Variants in PTK2B observed in about 807,000 individuals in gnomAD.
PTK2B encodes the protein protein-tyrosine kinase 2-beta.
PTK2B carries 71 observed loss-of-function variants against 142.9 expected under a neutral mutation model. That is an observed-to-expected ratio of 0.50 (90% CI 0.41 to 0.61). PTK2B has a LOEUF of 0.61. Among genes scored for constraint, PTK2B ranks in the 20% least tolerant of loss-of-function variants. The pLI, the probability that PTK2B is intolerant of heterozygous loss-of-function variation, is 0.00. For synonymous variants in PTK2B, 519 were observed against 503.4 expected, an observed-to-expected ratio of 1.03 and a Z score of -0.42; for missense variants, 1,105 against 1,320.4, an observed-to-expected ratio of 0.84 and a Z score of 2.53.
upstream of PTK2B, among the ~76,000 whole-genome samples, chr8:27,324,703 A>G (rs966885995): frequency 3.3e-5 from 5 of 152,232 alleles, no homozygotes; most frequent in African/African-American, 4.8e-5. Context: ...GACACAGAAT[A>G]AAGAAGCTTG....
rs576292112 is a variant in PTK2B at position 27,374,548 on chromosome 8, G to A, written c.-37-23000G>A. Reference sequence around the variant, plus strand: ...CATAGCAGGTTTAGGATTGGCTCACGTGAATAATTTCAGCAGGCTCTGGGC... The same window carrying A: ...CATAGCAGGTTTAGGATTGGCTCACATGAATAATTTCAGCAGGCTCTGGGC... On this transcript the variant is annotated intron_variant, in intron 1 of 30. Coordinates refer to ENST00000346049, the MANE Select transcript of PTK2B (RefSeq NM_173176.3). 2.9e-3 allele frequency among the ~76,000 whole-genome samples: 445 copies of A among 152,322 alleles called. 4 individuals are homozygous for A. The South Asian group carries it at 0.03, about 10-fold the overall frequency.
intron 27 of PTK2B, chr8:27,452,616 T>C (rs1384272615): frequency 6.5e-6 from 1 of 153,566 alleles, no homozygotes; most frequent in Non-Finnish European, 1.4e-5. Context: ...GTGTCTTTGC[T>C]CTTCAAAGTG....
intron 2 of PTK2B, among the ~76,000 whole-genome samples, chr8:27,418,473 G>A (rs151021125): frequency 6.6e-6 from 1 of 152,286 alleles, no homozygotes; most frequent in Non-Finnish European, 1.5e-5. Flanking sequence ...ATTAGAAACT[G>A]TCTTGGGAGG....
Position 27,426,451 on chromosome 8 carries a change from G to A in PTK2B, c.552-3642G>A, listed in dbSNP as rs144494814. Reference sequence around the variant, plus strand: ...GGCGGTCCAGGCATATTTGGGAGACGTGGGTGCCCCTGGAGAGCAGCTGAG... The same window carrying A: ...GGCGGTCCAGGCATATTTGGGAGACATGGGTGCCCCTGGAGAGCAGCTGAG... On this transcript the variant is annotated intron_variant, in intron 5 of 30. Coordinates refer to ENST00000346049, the MANE Select transcript of PTK2B (RefSeq NM_173176.3). 2.0e-5 allele frequency among the ~76,000 whole-genome samples: 3 copies of A among 152,326 alleles called. No individual in the cohort carries two copies. The East Asian group carries it at 5.8e-4, about 29-fold the overall frequency.
At chr8:27,339,311 C>A (rs563292485) in intron 1 of PTK2B, among the ~76,000 whole-genome samples, 8 of 152,288 alleles carry the variant, frequency 5.3e-5, no homozygotes, top group African/African-American at 1.9e-4. Context: ...ACAAAGGCTT[C>A]TGGGTTGCTG....
At chr8:27,370,890 A>C (rs1806312246) in intron 1 of PTK2B, among the ~76,000 whole-genome samples, 1 of 152,146 alleles carries the variant, frequency 6.6e-6, no homozygotes, top group African/African-American at 2.4e-5. Flanking sequence ...GAGACTCTCA[A>C]GTTAGTCTTT....
At chr8:27,414,017 G>A (rs1374093456) in intron 2 of PTK2B, among the ~76,000 whole-genome samples, 1 of 152,160 alleles carries the variant, frequency 6.6e-6, no homozygotes, top group Non-Finnish European at 1.5e-5. Flanking sequence ...AGATGTGGCC[G>A]ATGTGAGTTC....
At chr8:27,414,265 G>C (rs79182948) in intron 2 of PTK2B, among the ~76,000 whole-genome samples, 1 of 139,074 alleles carries the variant, frequency 7.2e-6, no homozygotes. Context: ...TTTTTTTTTT[G>C]AGACAGTCTC....
At chr8:27,366,876 G>T (rs1806049402) in intron 1 of PTK2B, among the ~76,000 whole-genome samples, 1 of 152,052 alleles carries the variant, frequency 6.6e-6, no homozygotes, top group Admixed American at 6.5e-5. Context: ...GTGTGGGGGA[G>T]GGAGGAGCTG....
Position 27,440,232 on chromosome 8 carries a change from C to A in PTK2B, c.1835-5C>A. The A allele has an allele frequency of 6.2e-7, 1 of 1,614,080 alleles. No individual in the cohort carries two copies. On this transcript the variant is annotated splice_region_variant and splice_polypyrimidine_tract_variant and intron_variant, in intron 20 of 30. Transcript: ENST00000346049. ...CCCAGGGCCTGACGCTCCCTTACACCCCAGCCGTGTGCATGTGGGAGATCC... is the reference window on the plus strand; with the variant it reads ...CCCAGGGCCTGACGCTCCCTTACACACCAGCCGTGTGCATGTGGGAGATCC...
rs1232418235 is a variant in PTK2B, at chr8:27,437,115, G to A, written c.1342-7G>A. ...ACCAAGGGGTCCTGAACACACTCTT[G>A]TTACAGAAAGGGGAGAAAATCAATG... On this transcript the variant is annotated splice_region_variant and splice_polypyrimidine_tract_variant and intron_variant, in intron 15 of 30. Transcript: ENST00000346049. 36 of 1,612,450 alleles carry A rather than the reference G, an allele frequency of 2.2e-5. No individual in the cohort carries two copies. Among genetic ancestry groups the A allele is most frequent in the Non-Finnish European group, 2.9e-5 (34 of 1,178,606 alleles).
At chr8:27,434,177 G>C in intron 12 of PTK2B, 45 bp downstream of exon 12, 1 of 1,596,706 alleles carries the variant, frequency 6.3e-7, no homozygotes, top group Non-Finnish European at 8.6e-7. Flanking sequence ...AGCTCAGCCT[G>C]TGCTGCTGAG....
intron 1 of PTK2B, among the ~76,000 whole-genome samples, chr8:27,383,917 C>T (rs1009533575): frequency 2.0e-5 from 3 of 147,542 alleles, no homozygotes; most frequent in Non-Finnish European, 4.5e-5. Context: ...GGTGTGATCT[C>T]GGCTCACCAC....
At chr8:27,328,891 G>T (rs1170850770) in intron 1 of PTK2B, among the ~76,000 whole-genome samples, 1 of 151,964 alleles carries the variant, frequency 6.6e-6, no homozygotes, top group Non-Finnish European at 1.5e-5. Flanking sequence ...TCTAGACTAG[G>T]CAGTGTCCAA....
intron 24 of PTK2B, 63 bp from the exon 25 acceptor site, chr8:27,450,686 C>T: frequency 6.3e-7 from 1 of 1,592,546 alleles, no homozygotes; most frequent in Non-Finnish European, 8.6e-7. Context: ...AGAGGACTGT[C>T]CCTCCCTGAG....
chr8:27,423,899 T>G (rs1809914142), intron 5 of PTK2B, among the ~76,000 whole-genome samples: 1 of 152,174 alleles, frequency 6.6e-6, no homozygotes, highest in South Asian at 2.1e-4. Context: ...ATTCGAGTCC[T>G]CTGTACAGAG....
intron 2 of PTK2B, among the ~76,000 whole-genome samples, chr8:27,413,723 C>T (rs1809208845): frequency 6.6e-6 from 1 of 152,188 alleles, no homozygotes; most frequent in Non-Finnish European, 1.5e-5. Context: ...TTAGTACATT[C>T]TGAGGCTGAA....
chr8:27,342,741 T>G (rs1218648371), intron 1 of PTK2B, among the ~76,000 whole-genome samples: 1 of 152,240 alleles, frequency 6.6e-6, no homozygotes, highest in Non-Finnish European at 1.5e-5. Context: ...ACTTTCCTTC[T>G]GCCTTATTTT....
At chr8:27,430,450 T>G in intron 7 of PTK2B, 32 bp downstream of exon 7, 1 of 1,612,348 alleles carries the variant, frequency 6.2e-7, no homozygotes, top group South Asian at 1.1e-5. Context: ...GACCTCTTCG[T>G]GCTGATTCCC....
Sources: gnomAD v4.1 joint callset for allele counts (sites outside exome capture counted in the v4.1 genomes callset) on GRCh38, gnomAD v4.1.1 for gene constraint, MANE v1.5 for transcripts, NCBI Gene and HGNC (gene_info 2026-07-23, HGNC 2026-07-21) for gene names.